Variants in LRRC37A observed in about 807,000 individuals in gnomAD.
LRRC37A encodes leucine-rich repeat-containing protein 37A.
LRRC37A carries 3 observed loss-of-function variants against 35.4 expected under a neutral mutation model. The observed-to-expected ratio is 0.08, with a 90% CI of 0.04 to 0.22. LRRC37A has a LOEUF of 0.22. Among genes scored for constraint, LRRC37A ranks in the 10% least tolerant of loss-of-function variants. The pLI is 1.00. For synonymous variants in LRRC37A, 23 were observed against 215.0 expected (o/e 0.11, Z 7.81); for missense variants, 67 against 565.3 (o/e 0.12, Z 8.94).
the LRRC37A span, chr17:46,274,888 T>C: frequency 6.5e-6 from 1 of 152,812 alleles, no homozygotes; most frequent in South Asian, 2.1e-4. Flanking sequence ...TTTCTTTTTC[T>C]TTTCTTCCTT....
chr17:46,260,617 T>TCA, the LRRC37A span: 71 of 1,281,992 alleles, frequency 5.5e-5, no homozygotes, highest in East Asian at 7.9e-5. Context: ...GGCTCTCTAT[T>TCA]CTCTTTTTTT....
the LRRC37A span, among the ~76,000 whole-genome samples, chr17:46,277,816 T>C: frequency 6.6e-6 from 1 of 151,850 alleles, no homozygotes; most frequent in Non-Finnish European, 1.5e-5. Flanking sequence ...CTAGCTAATT[T>C]TTGTATTTTT....
At chr17:46,253,312 C>G in the LRRC37A span, among the ~76,000 whole-genome samples, 1 of 151,756 alleles carries the variant, frequency 6.6e-6, no homozygotes, top group South Asian at 2.1e-4. Context: ...GACTGGGCAG[C>G]CAGGCAGAGA....
At chr17:46,278,399 T>TA in the LRRC37A span, among the ~76,000 whole-genome samples, 4 of 138,610 alleles carry the variant, frequency 2.9e-5, no homozygotes, top group South Asian at 2.1e-4. Context: ...TTGTTTTATT[T>TA]TGTTTTTTTT....
At chr17:46,279,694 T>C in the LRRC37A span, among the ~76,000 whole-genome samples, 1 of 151,830 alleles carries the variant, frequency 6.6e-6, no homozygotes, top group Admixed American at 6.6e-5. Context: ...TGGGGTTTCC[T>C]CATGTTGCCC....
At chr17:46,289,063 T>C (rs1212542155), upstream of LRRC37A, among the ~76,000 whole-genome samples, 2 of 152,228 alleles carry the variant, frequency 1.3e-5, no homozygotes, top group African/African-American at 4.8e-5. Context: ...TCTGCTATCC[T>C]GTAGTACAAC....
At chr17:46,278,400 TG>T in the LRRC37A span, among the ~76,000 whole-genome samples, 3,721 of 141,276 alleles carry the variant, frequency 0.026, 129 homozygotes, top group African/African-American at 0.083. Context: ...TGTTTTATTT[TG>T]TTTTTTTTTT....
At chr17:46,267,192 C>T in the LRRC37A span, 321 of 606,594 alleles carry the variant, frequency 5.3e-4, 1 homozygote, top group African/African-American at 5.9e-3. Flanking sequence ...CGAGCCTTTC[C>T]GAGTCCCGGA....
chr17:46,317,117 A>G, intron 5 of LRRC37A, among the ~76,000 whole-genome samples: 1 of 88,140 alleles, frequency 1.1e-5, no homozygotes, highest in Admixed American at 1.2e-4. Context: ...GTTCTCAATG[A>G]GCTGTTGGGT....
At chr17:46,267,659 G>T in the LRRC37A span, 30 of 1,321,968 alleles carry the variant, frequency 2.3e-5, no homozygotes, top group East Asian at 7.0e-4. Context: ...TTAGGATTTA[G>T]ACGACAGGTA....
the LRRC37A span, among the ~76,000 whole-genome samples, chr17:46,284,282 C>A: frequency 6.6e-6 from 1 of 152,258 alleles, no homozygotes; most frequent in Non-Finnish European, 1.5e-5. Context: ...GTCCCTGCGG[C>A]CTTCCGCAGT....
chr17:46,269,463 C>T, the LRRC37A span, among the ~76,000 whole-genome samples: 18,478 of 152,174 alleles, frequency 0.12, no homozygotes, highest in Non-Finnish European at 0.18. Context: ...ACCCAGGAGG[C>T]AGAGGTTGTG....
At chr17:46,271,292 A>C in the LRRC37A span, among the ~76,000 whole-genome samples, 1 of 150,562 alleles carries the variant, frequency 6.6e-6, no homozygotes, top group African/African-American at 2.5e-5. Flanking sequence ...TAGCCTCCCA[A>C]GTAGCTGGGA....
the LRRC37A span, chr17:46,267,644 C>G: frequency 1.5e-6 from 2 of 1,374,166 alleles, no homozygotes; most frequent in African/African-American, 3.0e-5. Context: ...AGTATTGTAA[C>G]ATGATTAGGA....
the LRRC37A span, among the ~76,000 whole-genome samples, chr17:46,252,668 T>TTCAGAGAGCA: frequency 1.3e-5 from 2 of 150,898 alleles, no homozygotes; most frequent in East Asian, 1.9e-4. Flanking sequence ...CAGCACATGT[T>TTCAGAGAGCA]TCAGAGAGCA....
At chr17:46,274,170 C>T in the LRRC37A span, among the ~76,000 whole-genome samples, 2 of 152,244 alleles carry the variant, frequency 1.3e-5, no homozygotes, top group Non-Finnish European at 2.9e-5. Context: ...CATTAGCACA[C>T]ATTCAAAGAC....
chr17:46,324,763 C>A lies in LRRC37A; in HGVS notation c.3053+1736C>A. 2.7e-5 allele frequency among the ~76,000 whole-genome samples: 2 copies of A among 74,654 alleles called. 1 individual carries two copies. The highest frequency in any genetic ancestry group is 6.7e-5 in the African/African-American group (2 of 29,648). 49.0% of individuals were successfully genotyped at this position (74,654 alleles called of 152,430 possible). A position where few individuals can be genotyped will look rare whatever the true frequency, so the allele number is the denominator to read the frequency against. On this transcript the variant is annotated intron_variant, in intron 7 of 13. Coordinates refer to ENST00000320254, the Ensembl canonical transcript of LRRC37A. ...CCTGAGTCAGGAGGATCACTTGAAC[C>A]CAGGAAGTGGAGGTTGCAGTGAGCC...
chr17:46,276,569 G>A, the LRRC37A span, among the ~76,000 whole-genome samples: 1 of 152,172 alleles, frequency 6.6e-6, no homozygotes, highest in South Asian at 2.1e-4. Context: ...ATAACAAAGT[G>A]CAGTAATGAA....
the LRRC37A span, among the ~76,000 whole-genome samples, chr17:46,249,044 G>A: frequency 6.6e-6 from 1 of 151,972 alleles, no homozygotes; most frequent in Non-Finnish European, 1.5e-5. Flanking sequence ...CACTGTATTA[G>A]GTATTTAAAG....
Sources: allele counts gnomAD v4.1 joint callset (sites outside exome capture counted in the v4.1 genomes callset), GRCh38; gene constraint gnomAD v4.1.1; transcripts MANE v1.5; gene names NCBI Gene and HGNC (gene_info 2026-07-23, HGNC 2026-07-21).